The following OR3A2 variants were observed in gnomAD, a reference collection of about 807,000 sequenced individuals.
OR3A2 encodes olfactory receptor family 3 subfamily A member 2.
For missense variants in OR3A2, 318 were observed against 392.8 expected (o/e 0.81, Z 1.61); for synonymous variants, 126 against 159.3 (o/e 0.79, Z 1.57).
At chr17:3,310,908 C>G (rs748758706) in intron 3 of OR3A2, 1 of 710,474 alleles carries the variant, frequency 1.4e-6, no homozygotes, top group Non-Finnish European at 2.4e-6. Flanking sequence ...TCTCAATGGG[C>G]AGTTGCTGTT....
chr17:3,315,498 G>A (rs934981012), intron 3 of OR3A2, among the ~76,000 whole-genome samples: 6 of 152,062 alleles, frequency 3.9e-5, no homozygotes, highest in Admixed American at 1.3e-4. Context: ...TTTGAGAAGC[G>A]TCTGTTCATG....
chr17:3,375,707 T>A (rs1025689341), intron 2 of OR3A2, among the ~76,000 whole-genome samples: 1 of 152,204 alleles, frequency 6.6e-6, no homozygotes, highest in African/African-American at 2.4e-5. Context: ...CTTTTCTGGT[T>A]CTTTCTCATT....
chr17:3,326,445 G>A (rs2049173455), intron 3 of OR3A2, among the ~76,000 whole-genome samples: 2 of 151,984 alleles, frequency 1.3e-5, no homozygotes, highest in African/African-American at 4.8e-5. Flanking sequence ...GGGACCGGCT[G>A]GAGCTGCAGC....
intron 2 of OR3A2, among the ~76,000 whole-genome samples, chr17:3,373,557 TC>T (rs1436779420): frequency 6.6e-6 from 1 of 152,210 alleles, no homozygotes; most frequent in African/African-American, 2.4e-5. Context: ...TCTCTCTTTG[TC>T]TTTTTTAACT....
chr17:3,365,542 C>T (rs1423087680), intron 2 of OR3A2, among the ~76,000 whole-genome samples: 1 of 152,182 alleles, frequency 6.6e-6, no homozygotes, highest in Non-Finnish European at 1.5e-5. Context: ...ATTAACACAA[C>T]ACAGCTTGTC....
At chr17:3,289,750 G>A (rs941247867) in intron 3 of OR3A2, among the ~76,000 whole-genome samples, 2 of 152,182 alleles carry the variant, frequency 1.3e-5, no homozygotes, top group Admixed American at 6.5e-5. Context: ...AAGGTCAAGC[G>A]TGTCGTGAAT....
chr17:3,349,790 C>T (rs2049403329), intron 2 of OR3A2, among the ~76,000 whole-genome samples: 2 of 151,996 alleles, frequency 1.3e-5, no homozygotes, highest in South Asian at 2.1e-4. Context: ...AAGTAAAGCA[C>T]TCCTCAGCAA....
chr17:3,367,142 AC>A (rs774011757), intron 2 of OR3A2, among the ~76,000 whole-genome samples: 5 of 152,204 alleles, frequency 3.3e-5, no homozygotes, highest in Non-Finnish European at 7.3e-5. Flanking sequence ...TCAGGGCCAC[AC>A]CTTCAGACTT....
intron 2 of OR3A2, among the ~76,000 whole-genome samples, chr17:3,376,380 C>T (rs2049684395): frequency 6.6e-6 from 1 of 152,110 alleles, no homozygotes. Flanking sequence ...CTTTGGCTAC[C>T]AGGGTGGGTA....
rs1366177823 is a variant in OR3A2, at chr17:3,300,280, T to C, written c.-84-21127A>G. ...TGTAAATTAAAATCACAATGGAGGCTGGGAGCAGTGGCTTACGCCTGTAAT... is the reference window on the plus strand; with the variant it reads ...TGTAAATTAAAATCACAATGGAGGCCGGGAGCAGTGGCTTACGCCTGTAAT... On this transcript the variant is annotated intron_variant, in intron 3 of 4. Transcript: ENST00000573491. Among the ~76,000 whole-genome samples, 3 of 152,160 alleles carry C rather than the reference T, an allele frequency of 2.0e-5. No homozygotes were observed. In the South Asian group the frequency reaches 6.2e-4, roughly 32 times the overall value.
Position 3,318,096 on chromosome 17 carries a change from A to T in OR3A2, c.-85+17937T>A, listed in dbSNP as rs375781786. On this transcript the variant is annotated intron_variant, in intron 3 of 4. Coordinates refer to the OR3A2 transcript ENST00000573491. Reference sequence around the variant, plus strand: ...ATATCTATCCAGCAAGTCTTCAAAGAAAGGTTCCCACAGAGACAGCCAGGG... The same window carrying T: ...ATATCTATCCAGCAAGTCTTCAAAGTAAGGTTCCCACAGAGACAGCCAGGG... Among the ~76,000 whole-genome samples, 25 of 152,312 alleles carry T rather than the reference A, an allele frequency of 1.6e-4. No homozygotes were observed. In the East Asian group the frequency reaches 2.3e-3, roughly 14 times the overall value.
At chr17:3,293,490 C>T (rs1475401515) in intron 3 of OR3A2, among the ~76,000 whole-genome samples, 1 of 152,084 alleles carries the variant, frequency 6.6e-6, no homozygotes, top group Admixed American at 6.6e-5. Context: ...ATGTCTTAGA[C>T]TTGCAAGATA....
intron 1 of OR3A2, 78 bp from the exon 4 acceptor site, chr17:3,279,231 G>T: frequency 4.5e-6 from 2 of 440,106 alleles, no homozygotes; most frequent in Non-Finnish European, 8.0e-6. Context: ...AGCTGTCCTC[G>T]CCACAGGGGG....
At chr17:3,366,512 A>G (rs1420892371) in intron 2 of OR3A2, among the ~76,000 whole-genome samples, 3 of 152,216 alleles carry the variant, frequency 2.0e-5, no homozygotes, top group African/African-American at 7.2e-5. Context: ...GAGTTTTTAA[A>G]AATTGTTACA....
chr17:3,304,456 CT>C (rs1658589317), intron 3 of OR3A2, among the ~76,000 whole-genome samples: 1 of 152,190 alleles, frequency 6.6e-6, no homozygotes, highest in African/African-American at 2.4e-5. Flanking sequence ...GCCACTCTTT[CT>C]GGCAATAAGC....
intron 2 of OR3A2, among the ~76,000 whole-genome samples, chr17:3,339,507 C>A (rs1381999833): frequency 2.6e-5 from 4 of 152,156 alleles, no homozygotes; most frequent in Non-Finnish European, 5.9e-5. Context: ...TTGTCAAAGG[C>A]CTTTTCTGCA....
At chr17:3,279,271 A>G (rs2048763439) in intron 1 of OR3A2, 118 bp from the exon 4 acceptor site, 2 of 336,156 alleles carry the variant, frequency 5.9e-6, no homozygotes, top group Non-Finnish European at 1.1e-5. Context: ...GATGATGAAT[A>G]TGTTAATTTG....
intron 1 of OR3A2, among the ~76,000 whole-genome samples, chr17:3,384,934 G>A (rs892857672): frequency 6.6e-6 from 1 of 152,054 alleles, no homozygotes; most frequent in Admixed American, 6.5e-5. Flanking sequence ...GCTCACGCCT[G>A]TAATCCCAGC....
chr17:3,359,976 G>A (rs200886749), intron 2 of OR3A2, among the ~76,000 whole-genome samples: 3 of 151,764 alleles, frequency 2.0e-5, no homozygotes, highest in Non-Finnish European at 2.9e-5. Context: ...TCTAGTTTTA[G>A]ATCCCTGAGG....
Sources: gnomAD v4.1 joint callset for allele counts (sites outside exome capture counted in the v4.1 genomes callset) on GRCh38, gnomAD v4.1.1 for gene constraint, MANE v1.5 for transcripts, NCBI Gene and HGNC (gene_info 2026-07-23, HGNC 2026-07-21) for gene names.